The following PDE3A variants were observed in gnomAD, a reference collection of about 807,000 sequenced individuals.
PDE3A encodes the protein phosphodiesterase 3A, also known as cGMP-inhibited 3',5'-cyclic phosphodiesterase 3A.
In PDE3A, 43 loss-of-function variants were observed where a neutral mutation model predicts 98.3. The observed-to-expected ratio is 0.44, with a 90% confidence interval of 0.34 to 0.56. The LOEUF (loss-of-function observed/expected upper bound fraction) is 0.56. Among genes scored for constraint, PDE3A ranks in the 20% least tolerant of loss-of-function variants. The pLI, the probability that PDE3A is intolerant of heterozygous loss-of-function variation, is 0.01. For missense variants in PDE3A, 1,427 were observed against 1,440.7 expected (o/e 0.99, Z 0.15); for synonymous variants, 663 against 567.9 (o/e 1.17, Z -2.38).
Position 20,688,462 on chromosome 12 carries a change from T to C in PDE3A, c.*8191T>C, listed in dbSNP as rs950249306. Among the ~76,000 whole-genome samples the C allele has an allele frequency of 8.6e-5, 13 of 151,376 alleles. No homozygotes were observed. The highest frequency in any genetic ancestry group is 3.1e-4 in the African/African-American group (13 of 41,394). Reference sequence around the variant, plus strand: ...TTACTGGAAGTGCCTCTTGGTTTTATATATATAATATATAAATATTACAGT... The same window carrying C: ...TTACTGGAAGTGCCTCTTGGTTTTACATATATAATATATAAATATTACAGT... On this transcript the variant is annotated 3_prime_UTR_variant, in exon 16 of 16. Coordinates refer to ENST00000359062, the MANE Select transcript of PDE3A (RefSeq NM_000921.5).
chr12:20,483,569 A>G, intron 1 of PDE3A, among the ~76,000 whole-genome samples: 1 of 152,124 alleles, frequency 6.6e-6, no homozygotes, highest in East Asian at 1.9e-4. Flanking sequence ...TAATATAGAG[A>G]GATACTTTTA....
At chr12:20,474,542 G>A (rs1468694526) in intron 1 of PDE3A, among the ~76,000 whole-genome samples, 1 of 152,178 alleles carries the variant, frequency 6.6e-6, no homozygotes, top group African/African-American at 2.4e-5. Flanking sequence ...TAAGCACGAA[G>A]TCAGTTTCAC....
intron 1 of PDE3A, among the ~76,000 whole-genome samples, chr12:20,377,071 A>G (rs1005622326): frequency 1.3e-5 from 2 of 151,752 alleles, no homozygotes; most frequent in Admixed American, 6.6e-5. Context: ...AAGTGTGTGT[A>G]TGTGCATGTG....
Position 20,431,076 on chromosome 12 carries a change from CATT to C in PDE3A, c.960+60833_960+60835del, listed in dbSNP as rs1591924399. ...AGAGAGTATTTCCCTCAGTTTGTCT[CATT>C]TGTGGGAAGAAATATTATCTGCCCG... On this transcript the variant is annotated intron_variant, in intron 1 of 15. Coordinates refer to ENST00000359062, the MANE Select transcript of PDE3A (RefSeq NM_000921.5). Among the ~76,000 whole-genome samples, 9 of 152,174 alleles carry C rather than the reference CATT, an allele frequency of 5.9e-5. No individual in the cohort carries two copies. The East Asian group carries it at 1.5e-3, about 26-fold the overall frequency.
chr12:20,429,069 A>G (rs1944651964), intron 1 of PDE3A, among the ~76,000 whole-genome samples: 1 of 152,234 alleles, frequency 6.6e-6, no homozygotes, highest in Non-Finnish European at 1.5e-5. Flanking sequence ...AACACAAAGT[A>G]AACATAGTTC....
chr12:20,580,144 GC>G, intron 2 of PDE3A, among the ~76,000 whole-genome samples: 1 of 152,046 alleles, frequency 6.6e-6, no homozygotes, highest in Non-Finnish European at 1.5e-5. Flanking sequence ...AATCCACCTT[GC>G]CCATGATAGA....
At chr12:20,532,873 A>T (rs930242690) in intron 1 of PDE3A, among the ~76,000 whole-genome samples, 2 of 151,976 alleles carry the variant, frequency 1.3e-5, no homozygotes, top group Admixed American at 1.3e-4. Flanking sequence ...TATTTTTAGT[A>T]GAGACGGGGT....
At chr12:20,645,145 TC>T (rs1417952767) in intron 10 of PDE3A, among the ~76,000 whole-genome samples, 1 of 151,886 alleles carries the variant, frequency 6.6e-6, no homozygotes, top group Non-Finnish European at 1.5e-5. Flanking sequence ...CACCTCAGCC[TC>T]CCAAAATGCT....
intron 1 of PDE3A, among the ~76,000 whole-genome samples, chr12:20,376,634 G>T (rs1354160508): frequency 1.3e-5 from 2 of 151,928 alleles, no homozygotes; most frequent in East Asian, 1.9e-4. Context: ...TTTTATTTTA[G>T]ATTTTCAATA....
chr12:20,621,444 G>C, intron 5 of PDE3A, 33 bp downstream of exon 5: 1 of 1,121,246 alleles, frequency 8.9e-7, no homozygotes, highest in East Asian at 2.4e-5. Context: ...GGTTCATACT[G>C]TGAGTGTGGA....
intron 1 of PDE3A, among the ~76,000 whole-genome samples, chr12:20,506,408 A>C (rs575726153): frequency 6.6e-6 from 1 of 152,034 alleles, no homozygotes; most frequent in Non-Finnish European, 1.5e-5. Flanking sequence ...TCTGTCCCCC[A>C]CAAACAGAGA....
intron 1 of PDE3A, among the ~76,000 whole-genome samples, chr12:20,391,869 G>A (rs1260420062): frequency 2.6e-5 from 4 of 151,912 alleles, no homozygotes; most frequent in African/African-American, 4.8e-5. Context: ...ACAAAGCGAA[G>A]GGTGGCTGTC....
At chr12:20,421,622 A>G (rs1944513577) in intron 1 of PDE3A, among the ~76,000 whole-genome samples, 1 of 149,810 alleles carries the variant, frequency 6.7e-6, no homozygotes, top group African/African-American at 2.5e-5. Flanking sequence ...AAAACCACCC[A>G]TGCTCACTTT....
intron 5 of PDE3A, 92 bp from the exon 6 acceptor site, chr12:20,629,816 C>G (rs766441079): frequency 2.2e-5 from 21 of 963,408 alleles, no homozygotes; most frequent in Non-Finnish European, 3.3e-5. Flanking sequence ...GTGGTTGTTA[C>G]TGAGTTTGTA....
Position 20,420,439 on chromosome 12 carries a change from G to T in PDE3A, c.960+50195G>T, listed in dbSNP as rs114022776. 4.7e-3 allele frequency among the ~76,000 whole-genome samples: 713 copies of T among 152,266 alleles called. 5 individuals carry two copies. The highest frequency in any genetic ancestry group is 0.016 in the African/African-American group (678 of 41,552). On this transcript the variant is annotated intron_variant, in intron 1 of 15. Transcript: ENST00000359062. ...TCATGCGGAGGTTGACTGATGTAGG[G>T]TAGAGGCTACCCTGGAATAAGCTAG...
chr12:20,563,082 T>C (rs1235345067), intron 2 of PDE3A, among the ~76,000 whole-genome samples: 1 of 152,204 alleles, frequency 6.6e-6, no homozygotes, highest in Non-Finnish European at 1.5e-5. Context: ...CAGTGAGCCT[T>C]TATAGCATAA....
chr12:20,670,555 T>C (rs991000663), intron 15 of PDE3A, among the ~76,000 whole-genome samples: 5 of 151,642 alleles, frequency 3.3e-5, no homozygotes, highest in Admixed American at 6.6e-5. Flanking sequence ...CACTCAAAAC[T>C]GCTCAACTGC....
chr12:20,515,750 T>TTTATTTA (rs1946308581), intron 1 of PDE3A, among the ~76,000 whole-genome samples: 1 of 117,680 alleles, frequency 8.5e-6, no homozygotes. Context: ...TTATTTATTT[T>TTTATTTA]GAGACGGAGT....
chr12:20,670,459 C>G (rs535226006), intron 15 of PDE3A, among the ~76,000 whole-genome samples: 1 of 152,122 alleles, frequency 6.6e-6, no homozygotes. Context: ...TAAAGCTCTC[C>G]TCAGCAAATG....
Sources: allele counts gnomAD v4.1 joint callset (sites outside exome capture counted in the v4.1 genomes callset), GRCh38; gene constraint gnomAD v4.1.1; transcripts MANE v1.5; gene names NCBI Gene and HGNC (gene_info 2026-07-23, HGNC 2026-07-21).